Variants in PYGB observed in about 807,000 individuals in gnomAD.
PYGB encodes glycogen phosphorylase B.
PYGB carries 82 observed loss-of-function variants against 94.3 expected under a neutral mutation model. That is an observed-to-expected ratio of 0.87 (90% CI 0.73 to 1.04). The LOEUF is 1.04. Among genes scored for constraint, PYGB ranks in the 50% least tolerant of loss-of-function variants. The pLI is 0.00. For missense variants in PYGB, 1,132 were observed against 1,158.2 expected, an observed-to-expected ratio of 0.98 and a Z score of 0.33; for synonymous variants, 488 against 479.1, an observed-to-expected ratio of 1.02 and a Z score of -0.24.
At chr20:25,253,095 C>T (rs1036811594) in intron 1 of PYGB, among the ~76,000 whole-genome samples, 6 of 152,214 alleles carry the variant, frequency 3.9e-5, no homozygotes, top group Non-Finnish European at 8.8e-5. Context: ...CCAGGAAGAA[C>T]AAATAAGTAT....
At chr20:25,280,152 TCCTGGGGTACCCAGCATCTG>T in intron 9 of PYGB, 94 bp from the exon 10 acceptor site, 1 of 1,338,058 alleles carries the variant, frequency 7.5e-7, no homozygotes, top group Non-Finnish European at 1.0e-6. Context: ...CGGTGGCCCT[TCCTGGGGTACCCAGCATCTG>T]CCTGGGATCC....
chr20:25,265,077 A>G (rs2088205329), intron 2 of PYGB, among the ~76,000 whole-genome samples: 1 of 152,234 alleles, frequency 6.6e-6, no homozygotes, highest in Non-Finnish European at 1.5e-5. Flanking sequence ...ACCAAAACAG[A>G]GATATAGACC....
chr20:25,277,370 T>C, intron 7 of PYGB, 44 bp downstream of exon 7: 1 of 1,516,780 alleles, frequency 6.6e-7, no homozygotes, highest in South Asian at 1.1e-5. Flanking sequence ...CGTATCGCTT[T>C]CTGGCATAGA....
intron 1 of PYGB, among the ~76,000 whole-genome samples, chr20:25,250,278 T>C (rs2092884003): frequency 6.6e-6 from 1 of 152,216 alleles, no homozygotes; most frequent in South Asian, 2.1e-4. Flanking sequence ...GGAGTATTTA[T>C]GTATAATCAC....
rs59857017 is a variant in PYGB at position 25,291,946 on chromosome 20, G to A, written c.1970-460G>A. ...GGGCCGTGGCATCTGGCAGCTGCTG[G>A]CGCCCAGGAGGTCGCCACCCCTCAG... On this transcript the variant is annotated intron_variant, in intron 16 of 19. Transcript: ENST00000216962. Among the ~76,000 whole-genome samples the A allele has an allele frequency of 6.8e-3, 1,042 of 152,298 alleles. 17 individuals are homozygous for A. Among genetic ancestry groups the A allele is most frequent in the African/African-American group, 0.024 (1,000 of 41,576 alleles).
intron 1 of PYGB, among the ~76,000 whole-genome samples, chr20:25,257,230 C>G (rs1274073878): frequency 6.6e-6 from 1 of 152,214 alleles, no homozygotes; most frequent in East Asian, 1.9e-4. Context: ...GCAGAAAAAC[C>G]TCAAAGCAGC....
chr20:25,277,004 T>C (rs567089336), intron 6 of PYGB, among the ~76,000 whole-genome samples: 6 of 149,612 alleles, frequency 4.0e-5, no homozygotes, highest in Non-Finnish European at 6.0e-5. Flanking sequence ...AGGGTCACCT[T>C]GTGCAGATCA....
chr20:25,293,352 C>T (rs1470740219), intron 17 of PYGB, among the ~76,000 whole-genome samples: 1 of 152,200 alleles, frequency 6.6e-6, no homozygotes, highest in Non-Finnish European at 1.5e-5. Flanking sequence ...GGGCACTCCA[C>T]TGTGTGTGGC....
In PYGB at chr20:25,270,546, G is replaced by A. The variant is rs2088258245; in HGVS notation, c.425-837G>A. Among the ~76,000 whole-genome samples the A allele has an allele frequency of 1.3e-5, 2 of 152,130 alleles. 1 individual carries two copies. Among genetic ancestry groups the A allele is most frequent in the South Asian group, 4.1e-4 (2 of 4,826 alleles). Reference sequence around the variant, plus strand: ...GGTTGCATCTCACTGTGCCCAGGCTGGAGTGCACTGGCACAATCTTGGCTC... The same window carrying A: ...GGTTGCATCTCACTGTGCCCAGGCTAGAGTGCACTGGCACAATCTTGGCTC... On this transcript the variant is annotated intron_variant, in intron 3 of 19. Transcript: ENST00000216962.
At chr20:25,274,962 G>A (rs565144584) in intron 5 of PYGB, among the ~76,000 whole-genome samples, 49 of 152,354 alleles carry the variant, frequency 3.2e-4, no homozygotes, top group African/African-American at 1.1e-3. Context: ...GGGAAGCCCC[G>A]CTGGGCAGGA....
In PYGB at chr20:25,293,129, G is replaced by A. The variant is rs1376370622; in HGVS notation, c.2177+516G>A. Among the ~76,000 whole-genome samples the A allele has an allele frequency of 1.6e-3, 5 of 3,140 alleles. 1 individual carries two copies. The highest frequency in any genetic ancestry group is 0.017 in the South Asian group (2 of 116). The allele number at this position is 3,140 out of a possible 152,430, so 2.1% of individuals were successfully genotyped here. On this transcript the variant is annotated intron_variant, in intron 17 of 19. Transcript: ENST00000216962. The stretch of plus-strand genomic sequence containing the variant: ...ATTTTAAATGTGTAGGCCAGGGTCG[G>A]GGGGGGTGGGGGAGTGGGGGGGATG...
At chr20:25,279,009 C>CAT in intron 8 of PYGB, 48 bp from the exon 9 acceptor site, 1 of 1,557,640 alleles carries the variant, frequency 6.4e-7, no homozygotes, top group Non-Finnish European at 8.8e-7. Context: ...ACCGTGGGTG[C>CAT]CCACGTGGGA....
rs148647996 is a variant in PYGB at position 25,288,888 on chromosome 20, GTCA to G, written c.1827+408_1827+410del. Among the ~76,000 whole-genome samples, 1,025 of 152,354 alleles carry G rather than the reference GTCA, an allele frequency of 6.7e-3. 14 individuals are homozygous for G. Among genetic ancestry groups the G allele is most frequent in the African/African-American group, 0.023 (956 of 41,572 alleles). Reference sequence around the variant, plus strand: ...ATACTTTCAGAGTCCTAGATGTGCTGTCATCGAGTCCCAGGTCACATCGTCACA... The same window carrying G: ...ATACTTTCAGAGTCCTAGATGTGCTGTCGAGTCCCAGGTCACATCGTCACA... On this transcript the variant is annotated intron_variant, in intron 15 of 19. Coordinates refer to ENST00000216962, the MANE Select transcript of PYGB (RefSeq NM_002862.4).
At chr20:25,255,002 G>C (rs1413938575) in intron 1 of PYGB, among the ~76,000 whole-genome samples, 1 of 152,234 alleles carries the variant, frequency 6.6e-6, no homozygotes, top group Non-Finnish European at 1.5e-5. Context: ...GTACTGGAGT[G>C]AGAAGGAAAT....
rs2088353692 is a variant in PYGB at position 25,280,286 on chromosome 20, G to C, written c.1113G>C (p.Lys371Asn). 1 of 1,614,122 alleles carries C rather than the reference G, an allele frequency of 6.2e-7. No individual in the cohort carries two copies. Reference protein sequence around the residue: ...DWDKAWEITKKTCAYTNHTVL... With the variant: ...DWDKAWEITKNTCAYTNHTVL... ...CCTAGGCCTGGGAAATCACGAAGAA[G>C]ACCTGTGCATACACCAACCACACTG... Residue 371 changes from lysine to asparagine, a missense_variant, in exon 10 of 20, where the codon AAG becomes AAC. Transcript: ENST00000216962.
rs2088457560 is a variant in PYGB, at chr20:25,290,559, G to C, written c.1906G>C (p.Val636Leu). ...CGGCGACGTCGTCAATCATGACCCA[G>C]TTGTGGGTGACAGGTTGAAAGTGAT... ...SIGDVVNHDP[V>L]VGDRLKVIFL... is the part of the protein sequence containing the mutation. The change falls in exon 16 of 20, where the codon GTT becomes CTT. Residue 636 changes from valine (V) to leucine (L), a missense_variant. Val to Leu is a conservative substitution (Grantham distance 32, BLOSUM62 1). Coordinates refer to ENST00000216962, the MANE Select transcript of PYGB (RefSeq NM_002862.4). The C allele has an allele frequency of 6.2e-7, 1 of 1,611,388 alleles. No individual in the cohort carries two copies. Among genetic ancestry groups the C allele is most frequent in the Admixed American group, 1.7e-5 (1 of 59,960 alleles).
intron 2 of PYGB, among the ~76,000 whole-genome samples, chr20:25,260,166 C>T (rs1568684264): frequency 1.3e-5 from 2 of 152,158 alleles, no homozygotes; most frequent in Non-Finnish European, 2.9e-5. Context: ...AACTTCACTC[C>T]GCATGTTCGA....
At chr20:25,253,000 G>A (rs2123508012) in intron 1 of PYGB, among the ~76,000 whole-genome samples, 1 of 152,344 alleles carries the variant, frequency 6.6e-6, no homozygotes, top group South Asian at 2.1e-4. Flanking sequence ...GGTTGAAAGG[G>A]ACTTGTTATG....
chr20:25,267,750 T>C (rs2088230487), intron 2 of PYGB, among the ~76,000 whole-genome samples: 1 of 152,166 alleles, frequency 6.6e-6, no homozygotes, highest in African/African-American at 2.4e-5. Flanking sequence ...AGGCTGGTCT[T>C]GAACTTCTAA....
Sources: gnomAD v4.1 joint callset for allele counts (sites outside exome capture counted in the v4.1 genomes callset) on GRCh38, gnomAD v4.1.1 for gene constraint, MANE v1.5 for transcripts, NCBI Gene and HGNC (gene_info 2026-07-23, HGNC 2026-07-21) for gene names.